The following TPO variants were observed in gnomAD, a reference collection of about 807,000 sequenced individuals.
TPO encodes thyroid microsomal antigen.
TPO carries 78 observed loss-of-function variants against 96.9 expected under a neutral mutation model. That is an observed-to-expected ratio of 0.81 (90% CI 0.67 to 0.97). The LOEUF (loss-of-function observed/expected upper bound fraction) is 0.97, where lower values mean the gene tolerates loss of function less well. TPO is among the 50% of genes least tolerant of loss of function. The pLI is 0.00. For missense variants in TPO, 1,252 were observed against 1,274.8 expected, an observed-to-expected ratio of 0.98 and a Z score of 0.27; for synonymous variants, 547 against 538.0, an observed-to-expected ratio of 1.02 and a Z score of -0.23.
At chr2:1,454,301 A>C (rs1667585132) in intron 6 of TPO, among the ~76,000 whole-genome samples, 1 of 152,174 alleles carries the variant, frequency 6.6e-6, no homozygotes, top group African/African-American at 2.4e-5. Context: ...TTAACTACTC[A>C]TTTCAATGAA....
At chr2:1,503,912 C>T in intron 13 of TPO, 36 bp from the exon 14 acceptor site, 1 of 1,614,108 alleles carries the variant, frequency 6.2e-7, no homozygotes, top group Non-Finnish European at 8.5e-7. Flanking sequence ...GGTGCAGCCG[C>T]TTCCTCTCAC....
At chr2:1,522,486 G>A (rs140611863) in intron 15 of TPO, among the ~76,000 whole-genome samples, 31 of 130,368 alleles carry the variant, frequency 2.4e-4, no homozygotes, top group African/African-American at 8.1e-4. Flanking sequence ...ACCCCACACC[G>A]GCCCGCCACC....
At chr2:1,535,252 G>T (rs1159103221) in intron 15 of TPO, among the ~76,000 whole-genome samples, 2 of 133,572 alleles carry the variant, frequency 1.5e-5, no homozygotes, top group Non-Finnish European at 1.5e-5. Flanking sequence ...ACCCCACTCT[G>T]TGCAACCTCC....
At chr2:1,421,435 C>T (rs923687205) in intron 2 of TPO, among the ~76,000 whole-genome samples, 8 of 151,664 alleles carry the variant, frequency 5.3e-5, no homozygotes, top group Non-Finnish European at 8.8e-5. Flanking sequence ...TGAGCTGCCG[C>T]GTCACTCGGA....
chr2:1,489,946 G>C (rs58419624), intron 10 of TPO, among the ~76,000 whole-genome samples: 12,596 of 95,248 alleles, frequency 0.13, 1,210 homozygotes, highest in East Asian at 0.2. Flanking sequence ...AGTCACGACA[G>C]AGCAGTGTAA....
At chr2:1,475,752 G>A (rs532051023) in intron 7 of TPO, among the ~76,000 whole-genome samples, 5 of 152,316 alleles carry the variant, frequency 3.3e-5, no homozygotes, top group African/African-American at 1.2e-4. Context: ...GCGCCCGGCC[G>A]GAAGCGCTTG....
chr2:1,458,087 G>A (rs556826679), intron 7 of TPO, among the ~76,000 whole-genome samples: 1 of 151,160 alleles, frequency 6.6e-6, no homozygotes, highest in East Asian at 2.0e-4. Context: ...ATGAGATTGT[G>A]GGCACGTGCG....
chr2:1,434,649 C>A (rs575081792), intron 4 of TPO, among the ~76,000 whole-genome samples: 151 of 152,320 alleles, frequency 9.9e-4, no homozygotes, highest in African/African-American at 3.3e-3. Context: ...CTTAGAGCCA[C>A]ATGCTCACTG....
intron 15 of TPO, among the ~76,000 whole-genome samples, chr2:1,524,242 C>A (rs1197146471): frequency 2.7e-5 from 4 of 148,574 alleles, no homozygotes; most frequent in African/African-American, 1.0e-4. Flanking sequence ...CTCCTCAAAT[C>A]CCCCCACTGT....
Position 1,543,206 on chromosome 2 carries a change from G to C in TPO, c.*732G>C, listed in dbSNP as rs181414399. On this transcript the variant is annotated 3_prime_UTR_variant, in exon 17 of 17. Transcript: ENST00000329066. ...GTCTCGGGGGCACCGTTAGCCACGC[G>C]ACCCTGTAAAGCTGCCGTCCTCATT... 6.6e-6 allele frequency: 1 copy of C among 152,540 alleles called. No individual in the cohort carries two copies. The highest frequency in any genetic ancestry group is 1.9e-4 in the East Asian group (1 of 5,156). 9.4% of individuals were successfully genotyped at this position (152,540 alleles called of 1,614,324 possible). A position where few individuals can be genotyped will look rare whatever the true frequency, so the allele number is the denominator to read the frequency against.
chr2:1,480,559 TACACACACACACACACACAC>T lies in TPO; in HGVS notation c.1338+2982_1338+3001del, dbSNP rs3036105. 6.0e-3 allele frequency among the ~76,000 whole-genome samples: 264 copies of T among 44,362 alleles called. 3 individuals carry two copies. The highest frequency in any genetic ancestry group is 0.018 in the African/African-American group (189 of 10,498). The allele number at this position is 44,362 out of a possible 152,430, so 29.1% of individuals were successfully genotyped here. A position where few individuals can be genotyped will look rare whatever the true frequency, so the allele number is the denominator to read the frequency against. ...CCCCTCTATCACCCCTCAAACCCCC[TACACACACACACACACACAC>T]ACACACACACACACACACACACACA... On this transcript the variant is annotated intron_variant, in intron 8 of 16. Coordinates refer to ENST00000329066, the MANE Select transcript of TPO (RefSeq NM_001206744.2).
At chr2:1,447,694 AAC>A (rs1666946661) in intron 5 of TPO, among the ~76,000 whole-genome samples, 1 of 152,162 alleles carries the variant, frequency 6.6e-6, no homozygotes, top group African/African-American at 2.4e-5. Flanking sequence ...ATCTATAATA[AAC>A]ACAGGTCTAT....
intron 1 of TPO, among the ~76,000 whole-genome samples, chr2:1,404,565 A>T (rs1285912661): frequency 6.6e-6 from 1 of 152,214 alleles, no homozygotes; most frequent in Non-Finnish European, 1.5e-5. Context: ...AGATTAGGAC[A>T]CAGACACACA....
intron 2 of TPO, among the ~76,000 whole-genome samples, chr2:1,422,337 C>CCTGGACCGACCTCATGCAGGCGCCGCG (rs1663716752): frequency 1.2e-5 from 1 of 83,192 alleles, no homozygotes; most frequent in Non-Finnish European, 2.7e-5. Flanking sequence ...AGGCGCCTCT[C>CCTGGACCGACCTCATGCAGGCGCCGCG]CTGGACCGAC....
chr2:1,432,171 G>A (rs1352298422), intron 3 of TPO, among the ~76,000 whole-genome samples: 9 of 152,266 alleles, frequency 5.9e-5, no homozygotes, highest in Non-Finnish European at 1.0e-4. Context: ...GGCCCTGCCA[G>A]CTTTGCTGCC....
In TPO at chr2:1,477,484, G is replaced by A; in HGVS notation, c.1218G>A (p.Leu406=). The A allele has an allele frequency of 3.3e-6, 5 of 1,530,872 alleles. No homozygotes were observed. The South Asian group carries it at 4.8e-5, about 15-fold the overall frequency. The allele number at this position is 1,530,872 out of a possible 1,614,324, so 94.8% of individuals were successfully genotyped here. A position where few individuals can be genotyped will look rare whatever the true frequency, so the allele number is the denominator to read the frequency against. The part of the protein sequence containing the change: ...RASEVPSLTA[L]HTLWLREHNR... ...GCGAGGTCCCCTCCCTGACGGCACTGCACACGCTGTGGCTGCGCGAGCACA... is the reference window on the plus strand; with the variant it reads ...GCGAGGTCCCCTCCCTGACGGCACTACACACGCTGTGGCTGCGCGAGCACA... The change falls in exon 8 of 17, where the codon CTG becomes CTA. Residue 406 remains leucine, a synonymous_variant. Coordinates refer to ENST00000329066, the MANE Select transcript of TPO (RefSeq NM_001206744.2).
At chr2:1,421,481 A>T (rs928376053) in intron 2 of TPO, among the ~76,000 whole-genome samples, 5 of 152,078 alleles carry the variant, frequency 3.3e-5, no homozygotes, top group African/African-American at 1.2e-4. Flanking sequence ...CATGGCCGTC[A>T]CCCCTCTGCC....
chr2:1,519,374 G>C (rs924054346), intron 15 of TPO, among the ~76,000 whole-genome samples: 1 of 152,316 alleles, frequency 6.6e-6, no homozygotes, highest in African/African-American at 2.4e-5. Context: ...TGCCACAGCT[G>C]CCCTGCTTCT....
At chr2:1,528,567 C>A (rs1677174578) in intron 15 of TPO, among the ~76,000 whole-genome samples, 1 of 147,544 alleles carries the variant, frequency 6.8e-6, no homozygotes, top group East Asian at 2.2e-4. Context: ...GCAAACTCCC[C>A]AAATCGCCCC....
Sources: gnomAD v4.1 joint callset for allele counts (sites outside exome capture counted in the v4.1 genomes callset) on GRCh38, gnomAD v4.1.1 for gene constraint, MANE v1.5 for transcripts, NCBI Gene and HGNC (gene_info 2026-07-23, HGNC 2026-07-21) for gene names.